The following CDH13 variants were observed in gnomAD, a reference collection of about 807,000 sequenced individuals.
CDH13 encodes cadherin-13.
CDH13 carries 24 observed loss-of-function variants against 63.8 expected under a neutral mutation model. The observed-to-expected ratio is 0.38, with a 90% confidence interval of 0.27 to 0.53. CDH13 has a LOEUF of 0.53. Among genes scored for constraint, CDH13 ranks in the 20% least tolerant of loss-of-function variants. The probability of loss-of-function intolerance (pLI) is 0.85; values close to 1 mark genes in which losing one functional copy is unlikely to be tolerated. For synonymous variants in CDH13, 503 were observed against 355.3 expected, an observed-to-expected ratio of 1.42 and a Z score of -4.67; for missense variants, 1,049 against 903.1, an observed-to-expected ratio of 1.16 and a Z score of -2.07.
intron 1 of CDH13, among the ~76,000 whole-genome samples, chr16:82,795,205 CAA>C (rs1466857176): frequency 6.6e-6 from 1 of 152,164 alleles, no homozygotes; most frequent in African/African-American, 2.4e-5. Context: ...TAGTCATGGA[CAA>C]TTGTCCATGT....
chr16:83,411,142 C>T (rs1287486681), intron 6 of CDH13, among the ~76,000 whole-genome samples: 1 of 152,184 alleles, frequency 6.6e-6, no homozygotes, highest in African/African-American at 2.4e-5. Context: ...AAGGTGCCAA[C>T]CTCATTCCTG....
At chr16:83,126,189 C>T (rs1200343917) in intron 4 of CDH13, among the ~76,000 whole-genome samples, 2 of 152,194 alleles carry the variant, frequency 1.3e-5, no homozygotes, top group Non-Finnish European at 2.9e-5. Context: ...AAAGAGTTTT[C>T]TCAGCAAGGC....
At chr16:82,811,346 A>G (rs952518207) in intron 1 of CDH13, among the ~76,000 whole-genome samples, 1 of 152,176 alleles carries the variant, frequency 6.6e-6, no homozygotes, top group African/African-American at 2.4e-5. Flanking sequence ...CTGTGTATAT[A>G]CTTATGTATT....
chr16:82,664,724 T>C (rs181012088), intron 1 of CDH13, among the ~76,000 whole-genome samples: 1 of 152,388 alleles, frequency 6.6e-6, no homozygotes, highest in Admixed American at 6.5e-5. Flanking sequence ...AATTTCACTT[T>C]ACTGGTTTGG....
chr16:82,951,419 G>C (rs16958926), intron 2 of CDH13, among the ~76,000 whole-genome samples: 18,077 of 152,186 alleles, frequency 0.12, 1,194 homozygotes, highest in South Asian at 0.15. Context: ...TTCAGCTATT[G>C]GCATGGGTAA....
At chr16:82,864,499 AAGG>A (rs2040052801) in intron 2 of CDH13, among the ~76,000 whole-genome samples, 1 of 152,128 alleles carries the variant, frequency 6.6e-6, no homozygotes. Context: ...AGGTGGCAGG[AAGG>A]AGAAGTGCTG....
intron 7 of CDH13, among the ~76,000 whole-genome samples, chr16:83,526,367 A>G (rs961238947): frequency 5.3e-5 from 8 of 152,048 alleles, no homozygotes; most frequent in East Asian, 1.9e-4. Flanking sequence ...ATGGAAGACA[A>G]TTTTTCCAGT....
chr16:82,823,075 T>C (rs1389672253), intron 1 of CDH13: 1 of 152,318 alleles, frequency 6.6e-6, no homozygotes, highest in Non-Finnish European at 1.5e-5. Flanking sequence ...CAGGTAGCTG[T>C]ATGTTTTACA....
At chr16:82,921,984 C>A (rs901346556) in intron 2 of CDH13, among the ~76,000 whole-genome samples, 1 of 151,668 alleles carries the variant, frequency 6.6e-6, no homozygotes, top group Non-Finnish European at 1.5e-5. Flanking sequence ...CTTCTTGAAC[C>A]AGTTTGGTAA....
intron 6 of CDH13, among the ~76,000 whole-genome samples, chr16:83,438,365 A>G (rs1010173645): frequency 6.6e-6 from 1 of 152,226 alleles, no homozygotes; most frequent in Admixed American, 6.5e-5. Context: ...CACCAGGTGT[A>G]TATTGCTGAC....
Position 83,704,021 on chromosome 16 carries a change from G to C in CDH13, c.1538+25560G>C, listed in dbSNP as rs74628526. Among the ~76,000 whole-genome samples the C allele has an allele frequency of 3.4e-3, 523 of 152,246 alleles. 7 individuals are homozygous for C. The highest frequency in any genetic ancestry group is 0.012 in the African/African-American group (508 of 41,548). The stretch of plus-strand genomic sequence containing the variant: ...CTTTTTGCTTTGTAAGTTCCATAAA[G>C]ACATTTCTTGGCATCTAGAAAATGA... On this transcript the variant is annotated intron_variant, in intron 10 of 13. Coordinates refer to ENST00000567109, the MANE Select transcript of CDH13 (RefSeq NM_001257.5).
chr16:82,849,616 A>C (rs2151149338), intron 1 of CDH13, among the ~76,000 whole-genome samples: 1 of 152,374 alleles, frequency 6.6e-6, no homozygotes, highest in Non-Finnish European at 1.5e-5. Flanking sequence ...GGATACATTA[A>C]ATAATACATT....
chr16:83,546,259 G>T (rs35415590), intron 7 of CDH13, among the ~76,000 whole-genome samples: 7 of 152,030 alleles, frequency 4.6e-5, no homozygotes, highest in African/African-American at 1.7e-4. Flanking sequence ...CTGAACTCCT[G>T]GAGGGTGGCA....
intron 10 of CDH13, among the ~76,000 whole-genome samples, chr16:83,726,703 A>T (rs768100592): frequency 2.6e-5 from 4 of 152,100 alleles, no homozygotes; most frequent in Middle Eastern, 3.2e-3. Flanking sequence ...CCGAGCGTGG[A>T]GGCGGGCCCC....
intron 2 of CDH13, among the ~76,000 whole-genome samples, chr16:82,946,559 A>G (rs1904737444): frequency 6.6e-6 from 1 of 152,024 alleles, no homozygotes; most frequent in African/African-American, 2.4e-5. Flanking sequence ...CATCTCTACT[A>G]AAAGTACAAA....
chr16:83,086,648 G>A (rs1446553305), intron 3 of CDH13, among the ~76,000 whole-genome samples: 2 of 152,150 alleles, frequency 1.3e-5, no homozygotes, highest in African/African-American at 4.8e-5. Context: ...ACCATGCTTT[G>A]AAATTAAGTT....
At chr16:82,822,219 C>A (rs571849591) in intron 1 of CDH13, among the ~76,000 whole-genome samples, 2 of 152,256 alleles carry the variant, frequency 1.3e-5, no homozygotes, top group Admixed American at 6.5e-5. Context: ...AACTTGAATG[C>A]TTCCAAATGT....
intron 1 of CDH13, among the ~76,000 whole-genome samples, chr16:82,745,921 TG>T (rs1264285877): frequency 1.3e-5 from 2 of 152,182 alleles, no homozygotes; most frequent in Non-Finnish European, 2.9e-5. Context: ...CTAATATTTT[TG>T]TGGTTCTTAA....
At chr16:83,188,056 TTAGA>T (rs1458774815) in intron 4 of CDH13, among the ~76,000 whole-genome samples, 1 of 152,058 alleles carries the variant, frequency 6.6e-6, no homozygotes, top group Non-Finnish European at 1.5e-5. Context: ...CAAGGGAATG[TTAGA>T]TAGGAGAAAA....
Sources: allele counts gnomAD v4.1 joint callset (sites outside exome capture counted in the v4.1 genomes callset), GRCh38; gene constraint gnomAD v4.1.1; transcripts MANE v1.5; gene names NCBI Gene and HGNC (gene_info 2026-07-23, HGNC 2026-07-21).